The following CD36 variants were observed in gnomAD, a reference collection of about 807,000 sequenced individuals.
CD36 encodes the protein platelet glycoprotein 4.
A neutral mutation model predicts 55.2 loss-of-function variants in CD36; 119 were observed. The ratio of observed to expected loss-of-function variants is 2.15; its 90% confidence interval spans 1.86 to 2.51. The LOEUF (loss-of-function observed/expected upper bound fraction) is 2.51. CD36 is among the 30% of genes most tolerant of loss of function. The pLI is 0.00. For missense variants in CD36, 819 were observed against 555.5 expected (o/e 1.47, Z -4.77); for synonymous variants, 186 against 193.6 (o/e 0.96, Z 0.33).
chr7:80,646,941 A>G (rs963899287), intron 3 of CD36, 81 bp downstream of exon 3: 1 of 1,484,220 alleles, frequency 6.7e-7, no homozygotes, highest in South Asian at 1.1e-5. Context: ...TACCTGCTTT[A>G]TATTTCATGG....
At chr7:80,650,621 T>C (rs1162456233) in intron 3 of CD36, among the ~76,000 whole-genome samples, 1 of 152,166 alleles carries the variant, frequency 6.6e-6, no homozygotes, top group Non-Finnish European at 1.5e-5. Context: ...AGCTATTGTA[T>C]ACAAGTGATA....
At position 80,656,521 on chromosome 7, in the gene CD36, C is replaced by T. The variant is rs199623089; in HGVS notation, c.121-19C>T. The T allele has an allele frequency of 1.2e-6, 2 of 1,612,092 alleles. No homozygotes were observed. The highest frequency in any genetic ancestry group is 1.3e-5 in the African/African-American group (1 of 74,978). On this transcript the variant is annotated intron_variant, in intron 3 of 14. Coordinates refer to ENST00000447544, the MANE Select transcript of CD36 (RefSeq NM_001001548.3). The stretch of plus-strand genomic sequence containing the variant: ...ACTTACTACAAAGACATAACCCAAA[C>T]TTATTTTCTTTTTCATAGCAAGTTG...
chr7:80,607,316 G>A (rs1440224079), intron 1 of CD36, among the ~76,000 whole-genome samples: 2 of 152,160 alleles, frequency 1.3e-5, no homozygotes, highest in Non-Finnish European at 2.9e-5. Context: ...CCATGGCAAA[G>A]CAACAGCTAT....
chr7:80,602,328 G>A (rs1304285842), exon 1 of CD36: 7 of 152,122 alleles, frequency 4.6e-5, no homozygotes, highest in Admixed American at 2.6e-4. Flanking sequence ...GCAAGACTCT[G>A]GAGCCAGTCT....
At chr7:80,651,974 CT>C (rs527245951) in intron 3 of CD36, among the ~76,000 whole-genome samples, 30 of 152,056 alleles carry the variant, frequency 2.0e-4, no homozygotes, top group African/African-American at 7.0e-4. Flanking sequence ...TTTATATTAC[CT>C]TTATAATGTA....
intron 6 of CD36, among the ~76,000 whole-genome samples, chr7:80,663,687 T>C (rs1796743951): frequency 6.6e-6 from 1 of 152,156 alleles, no homozygotes; most frequent in African/African-American, 2.4e-5. Flanking sequence ...CATAATGTCA[T>C]GAAATGGCAG....
intron 1 of CD36, among the ~76,000 whole-genome samples, chr7:80,604,697 T>C (rs1033543838): frequency 6.6e-6 from 1 of 152,032 alleles, no homozygotes; most frequent in African/African-American, 2.4e-5. Flanking sequence ...AAAACCATTG[T>C]TTGCCCTTCA....
At chr7:80,619,232 A>G (rs1168749668) in intron 1 of CD36, among the ~76,000 whole-genome samples, 2 of 152,194 alleles carry the variant, frequency 1.3e-5, no homozygotes, top group African/African-American at 4.8e-5. Context: ...CCTGCTGCTC[A>G]GGATAAAAGG....
intron 3 of CD36, among the ~76,000 whole-genome samples, chr7:80,653,863 T>C (rs1297824879): frequency 6.6e-6 from 1 of 152,172 alleles, no homozygotes; most frequent in Non-Finnish European, 1.5e-5. Context: ...TATTTTTCTC[T>C]ATGTCTCTAA....
rs201759307 is a variant in CD36, at chr7:80,663,098, T to C, written c.538T>C (p.Trp180Arg). 144 of 1,613,772 alleles carry C rather than the reference T, an allele frequency of 8.9e-5. No homozygotes were observed. The highest frequency in any genetic ancestry group is 4.0e-4 in the East Asian group (18 of 44,788). Residue 180 changes from tryptophan (W) to arginine (R), a missense_variant, in exon 6 of 15, where the codon TGG becomes CGG. Trp to Arg is a moderately radical substitution (Grantham distance 101, BLOSUM62 -3). Coordinates refer to ENST00000447544, the MANE Select transcript of CD36 (RefSeq NM_001001548.3). ...FQVRTLRELL[W>R]GYRDPFLSLV... ...AGTCAGAACTTTGAGAGAACTGTTA[T>C]GGGGCTATAGGGATCCATTTTTGAG...
chr7:80,633,300 ACCTACATATACAGAAGTG>A (rs1794196741), intron 1 of CD36: 2 of 152,016 alleles, frequency 1.3e-5, no homozygotes, highest in Non-Finnish European at 2.9e-5. Context: ...CATGAGAACT[ACCTACATATACAGAAGTG>A]CTCTCTTTAA....
chr7:80,603,036 T>G (rs913971367), intron 1 of CD36, among the ~76,000 whole-genome samples: 2 of 152,146 alleles, frequency 1.3e-5, no homozygotes, highest in Non-Finnish European at 2.9e-5. Context: ...TCATAGAAAT[T>G]TTCTTGAGTG....
rs780265725 is a variant in CD36 at position 80,656,562 on chromosome 7, C to T, written c.143C>T (p.Thr48Ile). The T allele has an allele frequency of 2.6e-5, 42 of 1,613,446 alleles. No homozygotes were observed. In the South Asian group the frequency reaches 3.0e-4, roughly 11 times the overall value. ...IKKQVVLEEG[T>I]IAFKNWVKTG... ...TAGCAAGTTGTCCTCGAAGAAGGTACAATTGCTTTTAAAAATTGGGTTAAA... is the reference window on the plus strand; with the variant it reads ...TAGCAAGTTGTCCTCGAAGAAGGTATAATTGCTTTTAAAAATTGGGTTAAA... The change falls in exon 4 of 15, where the codon ACA becomes ATA. Residue 48 changes from threonine (T) to isoleucine (I), a missense_variant. By Grantham distance (89) the Thr-to-Ile change is moderately conservative (BLOSUM62 -1). Transcript: ENST00000447544.
chr7:80,616,436 T>C (rs1793158286), intron 1 of CD36, among the ~76,000 whole-genome samples: 1 of 122,826 alleles, frequency 8.1e-6, no homozygotes, highest in Admixed American at 7.7e-5. Context: ...TGTGTGTGTG[T>C]GTGTGTGTGT....
At chr7:80,643,053 G>A (rs1375934617) in intron 1 of CD36, among the ~76,000 whole-genome samples, 2 of 152,122 alleles carry the variant, frequency 1.3e-5, no homozygotes, top group African/African-American at 2.4e-5. Flanking sequence ...AGAGTCCATA[G>A]AAGTTATACT....
chr7:80,671,789 T>TTCTTCCCCAC lies in CD36; in HGVS notation c.1007-132_1007-123dup. On this transcript the variant is annotated intron_variant, in intron 10 of 14. Transcript: ENST00000447544. Reference sequence around the variant, plus strand: ...TTATAGTAGAAATCAACTGACATAATTCTTCCCCACCCATGTTAAAAACCA... The same window carrying TTCTTCCCCAC: ...TTATAGTAGAAATCAACTGACATAATTCTTCCCCACTCTTCCCCACCCATGTTAAAAACCA... The TTCTTCCCCAC allele has an allele frequency of 4.0e-6, 3 of 742,654 alleles. No homozygotes were observed. The South Asian group carries it at 4.8e-5, about 12-fold the overall frequency. The allele number at this position is 742,654 out of a possible 1,614,324, so 46.0% of individuals were successfully genotyped here.
chr7:80,632,386 A>G (rs1489527240), intron 1 of CD36, among the ~76,000 whole-genome samples: 1 of 151,976 alleles, frequency 6.6e-6, no homozygotes, highest in African/African-American at 2.4e-5. Flanking sequence ...GTAATCAGGC[A>G]TGCTTCTGTG....
intron 1 of CD36, among the ~76,000 whole-genome samples, chr7:80,642,166 T>C (rs1283756319): frequency 6.6e-6 from 1 of 152,150 alleles, no homozygotes; most frequent in African/African-American, 2.4e-5. Flanking sequence ...ATTAGTTTTC[T>C]GTATCTTGGC....
chr7:80,628,998 T>A (rs1182229128), intron 1 of CD36, among the ~76,000 whole-genome samples: 1 of 152,022 alleles, frequency 6.6e-6, no homozygotes, highest in Non-Finnish European at 1.5e-5. Context: ...TTGAATAGAA[T>A]GGGAGGCAGG....
Sources: gnomAD v4.1 joint callset for allele counts (sites outside exome capture counted in the v4.1 genomes callset) on GRCh38, gnomAD v4.1.1 for gene constraint, MANE v1.5 for transcripts, NCBI Gene and HGNC (gene_info 2026-07-23, HGNC 2026-07-21) for gene names.